Variants in ZBTB10 observed in about 807,000 individuals in gnomAD.
The protein encoded by ZBTB10 is zinc finger and BTB domain-containing protein 10.
In ZBTB10, 32 loss-of-function variants were observed where a neutral mutation model predicts 76.4. The observed-to-expected ratio is 0.42, with a 90% CI of 0.32 to 0.56. ZBTB10 has a LOEUF of 0.56. Ranked by LOEUF, ZBTB10 falls within the 20% of genes least tolerant of loss-of-function variation. ZBTB10 has a pLI of 0.14. For synonymous variants in ZBTB10, 523 were observed against 432.9 expected (o/e 1.21, Z -2.58); for missense variants, 1,057 against 1,098.5 (o/e 0.96, Z 0.53).
At chr8:80,507,054 A>T (rs903454598) in intron 2 of ZBTB10, among the ~76,000 whole-genome samples, 1 of 152,180 alleles carries the variant, frequency 6.6e-6, no homozygotes, top group Non-Finnish European at 1.5e-5. Flanking sequence ...TCGCGCCTGT[A>T]ATCCCAGCAC....
intron 1 of ZBTB10, among the ~76,000 whole-genome samples, chr8:80,490,918 A>G (rs1815613598): frequency 6.6e-6 from 1 of 152,214 alleles, no homozygotes; most frequent in Non-Finnish European, 1.5e-5. Flanking sequence ...GCCTGGTGAT[A>G]GCGTAAAGTT....
At chr8:80,487,858 A>C in intron 1 of ZBTB10, 76 bp downstream of exon 1, 9 of 1,432,716 alleles carry the variant, frequency 6.3e-6, no homozygotes, top group South Asian at 4.6e-5. Flanking sequence ...ACCCCCACCC[A>C]CCCCCGAAAA....
rs2131490193 is a variant in ZBTB10, at chr8:80,499,695, T to C, written c.1174T>C (p.Leu392=). The C allele has an allele frequency of 6.2e-7, 1 of 1,613,872 alleles. No individual in the cohort carries two copies. The highest frequency in any genetic ancestry group is 2.2e-5 in the East Asian group (1 of 44,884). ...TGCAGGCAGCCGTTTCTTTAAGACT[T>C]TATATTGCTTTTCAAACAAAGAAAG... ...LVAGSRFFKT[L]YCFSNKESPN... Residue 392 remains leucine, a synonymous_variant, in exon 2 of 6, where the codon TTA becomes CTA. Transcript: ENST00000455036.
rs1411866084 is a variant in ZBTB10 at position 80,519,617 on chromosome 8, T to C, written c.*89T>C. The C allele has an allele frequency of 2.5e-5, 33 of 1,336,000 alleles. No individual in the cohort carries two copies. The highest frequency in any genetic ancestry group is 1.4e-4 in the Admixed American group (6 of 42,982). The allele number at this position is 1,336,000 out of a possible 1,614,324, so 82.8% of individuals were successfully genotyped here. ...GTTGAACTTGAAGGCTTGCAAAATATGGTACATGCTGGATAGTAGTTATGT... is the reference window on the plus strand; with the variant it reads ...GTTGAACTTGAAGGCTTGCAAAATACGGTACATGCTGGATAGTAGTTATGT... On this transcript the variant is annotated 3_prime_UTR_variant, in exon 6 of 6. Coordinates refer to ENST00000455036, the MANE Select transcript of ZBTB10 (RefSeq NM_001105539.3).
At chr8:80,507,856 T>G (rs1330688092) in intron 2 of ZBTB10, among the ~76,000 whole-genome samples, 1 of 152,142 alleles carries the variant, frequency 6.6e-6, no homozygotes, top group African/African-American at 2.4e-5. Flanking sequence ...TGCCTCAGCC[T>G]CCCAGAGTGC....
intron 2 of ZBTB10, among the ~76,000 whole-genome samples, chr8:80,503,677 C>A (rs1316419377): frequency 1.3e-5 from 2 of 151,932 alleles, no homozygotes; most frequent in Non-Finnish European, 2.9e-5. Flanking sequence ...CCACTGCACC[C>A]AGCTAATTTT....
chr8:80,504,735 C>T (rs1191944243), intron 2 of ZBTB10, among the ~76,000 whole-genome samples: 3 of 152,122 alleles, frequency 2.0e-5, no homozygotes, highest in South Asian at 2.1e-4. Context: ...AAAATGATGT[C>T]GTGAGTGAAT....
chr8:80,518,357 CAG>C (rs1816382004), intron 3 of ZBTB10, 44 bp from the exon 4 acceptor site: 1 of 1,499,892 alleles, frequency 6.7e-7, no homozygotes, highest in Non-Finnish European at 8.9e-7. Context: ...TGATGAGAGA[CAG>C]ATCTTTATTA....
chr8:80,500,336 T>A lies in ZBTB10; in HGVS notation c.1815T>A (p.Pro605=), dbSNP rs1815890507. The change falls in exon 2 of 6, where the codon CCT becomes CCA. Residue 605 remains proline (P), a synonymous_variant. Coordinates refer to ENST00000455036, the MANE Select transcript of ZBTB10 (RefSeq NM_001105539.3). ...NLEDCSVMQP[P]VAYPEENTLL... Reference sequence around the variant, plus strand: ...AAGATTGCTCAGTAATGCAGCCACCTGTTGCCTATCCAGAAGAAAATACAC... The same window carrying A: ...AAGATTGCTCAGTAATGCAGCCACCAGTTGCCTATCCAGAAGAAAATACAC... 1 of 1,585,988 alleles carries A rather than the reference T, an allele frequency of 6.3e-7. No homozygotes were observed. The highest frequency in any genetic ancestry group is 8.6e-7 in the Non-Finnish European group (1 of 1,165,774).
chr8:80,494,341 T>A (rs1402264466), intron 1 of ZBTB10, among the ~76,000 whole-genome samples: 1 of 152,170 alleles, frequency 6.6e-6, no homozygotes, highest in African/African-American at 2.4e-5. Flanking sequence ...GCTGTTTGAC[T>A]TTCTATTACT....
At position 80,523,016 on chromosome 8, in the gene ZBTB10, C is replaced by T. The variant is rs1442885898; in HGVS notation, c.*3488C>T. 2.0e-5 allele frequency: 3 copies of T among 151,480 alleles called. No homozygotes were observed. Among genetic ancestry groups the T allele is most frequent in the Non-Finnish European group, 4.4e-5 (3 of 67,718 alleles). 9.4% of individuals were successfully genotyped at this position (151,480 alleles called of 1,614,324 possible). ...GGTTTAGATTCATTTTTCTGAAAAA[C>T]GATTAAAAAAACTACCAATTTTTTT... On this transcript the variant is annotated 3_prime_UTR_variant, in exon 6 of 6. Transcript: ENST00000455036.
intron 2 of ZBTB10, among the ~76,000 whole-genome samples, chr8:80,507,773 A>AT (rs1246255201): frequency 6.6e-6 from 1 of 151,954 alleles, no homozygotes; most frequent in Non-Finnish European, 1.5e-5. Flanking sequence ...TTTTTTTTAG[A>AT]TTTTTAAAAT....
chr8:80,500,684 G>T (rs1025230915), intron 2 of ZBTB10, among the ~76,000 whole-genome samples: 2 of 152,094 alleles, frequency 1.3e-5, no homozygotes, highest in African/African-American at 4.8e-5. Flanking sequence ...TTTAGCCTCT[G>T]TGCTCACTAT....
chr8:80,503,855 C>T (rs914347749), intron 2 of ZBTB10, among the ~76,000 whole-genome samples: 1 of 152,152 alleles, frequency 6.6e-6, no homozygotes, highest in Non-Finnish European at 1.5e-5. Flanking sequence ...TAACCTAATT[C>T]CTCTAATCTA....
intron 1 of ZBTB10, among the ~76,000 whole-genome samples, chr8:80,496,898 A>AATAT (rs1370030513): frequency 6.6e-6 from 1 of 152,188 alleles, no homozygotes; most frequent in African/African-American, 2.4e-5. Flanking sequence ...CTTTTACTAT[A>AATAT]ATATATAGTA....
chr8:80,523,049 G>GCCCA lies in ZBTB10; in HGVS notation c.*3523_*3526dup, dbSNP rs1554555029. On this transcript the variant is annotated 3_prime_UTR_variant, in exon 6 of 6. Transcript: ENST00000455036. Reference sequence around the variant, plus strand: ...AAAACTACCAATTTTTTTTTTGAGTGCCCACACTTGCCGTTGTGCTGTATA... The same window carrying GCCCA: ...AAAACTACCAATTTTTTTTTTGAGTGCCCACCCACACTTGCCGTTGTGCTGTATA... 1.3e-5 allele frequency: 2 copies of GCCCA among 150,436 alleles called. No homozygotes were observed. Among genetic ancestry groups the GCCCA allele is most frequent in the Non-Finnish European group, 1.5e-5 (1 of 67,472 alleles). The allele number at this position is 150,436 out of a possible 1,614,324, so 9.3% of individuals were successfully genotyped here. A position where few individuals can be genotyped will look rare whatever the true frequency, so the allele number is the denominator to read the frequency against.
intron 1 of ZBTB10, among the ~76,000 whole-genome samples, chr8:80,492,177 T>A (rs897549969): frequency 6.6e-6 from 1 of 152,218 alleles, no homozygotes; most frequent in Non-Finnish European, 1.5e-5. Flanking sequence ...TTTATATATT[T>A]TACATTATTT....
rs1238066459 is a variant in ZBTB10, at chr8:80,523,049, G to GC, written c.*3524dup. ...AAAACTACCAATTTTTTTTTTGAGT[G>GC]CCCACACTTGCCGTTGTGCTGTATA... On this transcript the variant is annotated 3_prime_UTR_variant, in exon 6 of 6. Transcript: ENST00000455036. 6.6e-6 allele frequency: 1 copy of GC among 150,436 alleles called. No homozygotes were observed. Among genetic ancestry groups the GC allele is most frequent in the Non-Finnish European group, 1.5e-5 (1 of 67,472 alleles). The allele number at this position is 150,436 out of a possible 1,614,324, so 9.3% of individuals were successfully genotyped here.
At chr8:80,488,650 T>C (rs1323805829) in intron 1 of ZBTB10, among the ~76,000 whole-genome samples, 1 of 152,242 alleles carries the variant, frequency 6.6e-6, no homozygotes, top group African/African-American at 2.4e-5. Flanking sequence ...TGTATTTTAG[T>C]TCTTAGTCCT....
Sources: gnomAD v4.1 joint callset for allele counts (sites outside exome capture counted in the v4.1 genomes callset) on GRCh38, gnomAD v4.1.1 for gene constraint, MANE v1.5 for transcripts, NCBI Gene and HGNC (gene_info 2026-07-23, HGNC 2026-07-21) for gene names.